ARHGAP26: variants seen among roughly 807,000 people sequenced by gnomAD.
ARHGAP26 encodes the protein Rho GTPase activating protein 26.
A neutral mutation model predicts 104.8 loss-of-function variants in ARHGAP26; 38 were observed. The observed-to-expected ratio is 0.36, with a 90% CI of 0.28 to 0.48. ARHGAP26 has a LOEUF of 0.48. Among genes scored for constraint, ARHGAP26 ranks in the 20% least tolerant of loss-of-function variants. ARHGAP26 has a pLI of 0.99. For synonymous variants in ARHGAP26, 341 were observed against 340.0 expected (o/e 1.00, Z -0.03); for missense variants, 704 against 947.9 (o/e 0.74, Z 3.38).
intron 19 of ARHGAP26, among the ~76,000 whole-genome samples, chr5:143,146,605 C>G (rs1200959945): frequency 4.6e-5 from 7 of 152,324 alleles, no homozygotes; most frequent in African/African-American, 1.4e-4. Context: ...CATTCTGCAG[C>G]CCATTACAGA....
At chr5:143,058,799 T>C (rs1786249935) in intron 17 of ARHGAP26, among the ~76,000 whole-genome samples, 1 of 152,210 alleles carries the variant, frequency 6.6e-6, no homozygotes, top group Admixed American at 6.5e-5. Context: ...TTCCACCATT[T>C]CCTCATTTCC....
At position 142,863,041 on chromosome 5, in the gene ARHGAP26, A is replaced by G. The variant is rs577724424; in HGVS notation, c.155-10359A>G. Among the ~76,000 whole-genome samples the G allele has an allele frequency of 3.3e-5, 5 of 152,272 alleles. No individual in the cohort carries two copies. In the South Asian group the frequency reaches 1.0e-3, roughly 32 times the overall value. On this transcript the variant is annotated intron_variant, in intron 1 of 22. Coordinates refer to ENST00000645722, the MANE Select transcript of ARHGAP26 (RefSeq NM_001135608.3). ...TCACCATTAAAAATAAAAGGCACAGAAAAGATACTTTGGGAGGGATCTTAG... is the reference window on the plus strand; with the variant it reads ...TCACCATTAAAAATAAAAGGCACAGGAAAGATACTTTGGGAGGGATCTTAG...
intron 5 of ARHGAP26, among the ~76,000 whole-genome samples, chr5:142,886,231 C>CT (rs1215637350): frequency 2.0e-5 from 3 of 152,094 alleles, no homozygotes; most frequent in African/African-American, 7.2e-5. Context: ...CAGGCCGGCC[C>CT]TTTTTTTAAA....
At chr5:142,778,062 A>G (rs771174940) in intron 1 of ARHGAP26, among the ~76,000 whole-genome samples, 61 of 152,226 alleles carry the variant, frequency 4.0e-4, no homozygotes, top group Non-Finnish European at 7.8e-4. Flanking sequence ...GGGTGACAGC[A>G]TCACAGATGG....
At chr5:142,936,239 A>G (rs1765406037) in intron 11 of ARHGAP26, among the ~76,000 whole-genome samples, 1 of 152,086 alleles carries the variant, frequency 6.6e-6, no homozygotes, top group African/African-American at 2.4e-5. Context: ...GATTAGCCAT[A>G]ATCATATGGT....
chr5:142,993,471 A>G (rs1775948602), intron 11 of ARHGAP26, among the ~76,000 whole-genome samples: 1 of 151,686 alleles, frequency 6.6e-6, no homozygotes, highest in Admixed American at 6.6e-5. Flanking sequence ...GCCCGGCCCA[A>G]TTTTTGTGTT....
intron 20 of ARHGAP26, among the ~76,000 whole-genome samples, chr5:143,181,769 TTTTG>T (rs1167617290): frequency 2.4e-4 from 37 of 152,308 alleles, no homozygotes; most frequent in African/African-American, 8.4e-4. Context: ...GTTAAGGACT[TTTTG>T]TTTTGTTTTT....
chr5:143,082,738 G>A (rs1435829111), intron 17 of ARHGAP26, among the ~76,000 whole-genome samples: 1 of 152,186 alleles, frequency 6.6e-6, no homozygotes, highest in Non-Finnish European at 1.5e-5. Flanking sequence ...GTTGTATATA[G>A]CTCACTTTAG....
chr5:142,859,693 C>T (rs1561966182), intron 1 of ARHGAP26: 1 of 152,212 alleles, frequency 6.6e-6, no homozygotes, highest in Non-Finnish European at 1.5e-5. Context: ...TTGATGCATG[C>T]ACATTTTCCC....
intron 17 of ARHGAP26, among the ~76,000 whole-genome samples, chr5:143,058,632 A>G (rs1329555718): frequency 6.6e-6 from 1 of 152,272 alleles, no homozygotes; most frequent in African/African-American, 2.4e-5. Context: ...TGTGTTATAA[A>G]TTTGGCCCTT....
chr5:142,842,373 G>A (rs933437141), intron 1 of ARHGAP26, among the ~76,000 whole-genome samples: 2 of 152,168 alleles, frequency 1.3e-5, no homozygotes, highest in African/African-American at 2.4e-5. Flanking sequence ...GTTTGTGGCC[G>A]CTTCTTCCAT....
intron 20 of ARHGAP26, among the ~76,000 whole-genome samples, chr5:143,155,537 T>G (rs1288803741): frequency 6.6e-6 from 1 of 152,192 alleles, no homozygotes; most frequent in Non-Finnish European, 1.5e-5. Flanking sequence ...ATATAAAAAT[T>G]GCTTGAGACA....
intron 10 of ARHGAP26, among the ~76,000 whole-genome samples, chr5:142,916,715 G>C (rs1284289870): frequency 6.6e-6 from 1 of 152,118 alleles, no homozygotes; most frequent in Non-Finnish European, 1.5e-5. Context: ...GGTGATTTCT[G>C]GTCTCTGAGA....
intron 11 of ARHGAP26, among the ~76,000 whole-genome samples, chr5:143,013,094 A>G (rs183908349): frequency 4.7e-4 from 72 of 152,326 alleles, no homozygotes; most frequent in Admixed American, 1.8e-3. Flanking sequence ...TCATATTTAC[A>G]AACAAATATC....
intron 17 of ARHGAP26, among the ~76,000 whole-genome samples, chr5:143,099,302 C>G (rs1792877002): frequency 6.6e-6 from 1 of 152,024 alleles, no homozygotes; most frequent in South Asian, 2.1e-4. Context: ...CATAGCTGCC[C>G]TGGGCAGGTG....
chr5:143,188,535 A>G (rs963104), intron 20 of ARHGAP26, among the ~76,000 whole-genome samples: 1,640 of 152,316 alleles, frequency 0.011, 11 homozygotes, highest in Non-Finnish European at 0.016. Flanking sequence ...ATTTGAGTAT[A>G]TATAGTAGAG....
chr5:142,905,880 A>G (rs960645930), intron 8 of ARHGAP26, among the ~76,000 whole-genome samples: 1 of 152,164 alleles, frequency 6.6e-6, no homozygotes, highest in African/African-American at 2.4e-5. Flanking sequence ...TCCGTATTCC[A>G]GTTTTGCCAG....
intron 20 of ARHGAP26, chr5:143,193,811 C>T (rs1437562428): frequency 3.3e-5 from 5 of 152,130 alleles, no homozygotes; most frequent in Non-Finnish European, 7.4e-5. Flanking sequence ...TGTAGTTGTT[C>T]ATCTCTTATT....
chr5:143,160,125 T>A (rs1463626366), intron 20 of ARHGAP26, among the ~76,000 whole-genome samples: 10 of 149,876 alleles, frequency 6.7e-5, no homozygotes, highest in Non-Finnish European at 3.0e-5. Flanking sequence ...AGTGGTGCAA[T>A]CTCGGCTCAC....
Sources: allele counts gnomAD v4.1 joint callset (sites outside exome capture counted in the v4.1 genomes callset), GRCh38; gene constraint gnomAD v4.1.1; transcripts MANE v1.5; gene names NCBI Gene and HGNC (gene_info 2026-07-23, HGNC 2026-07-21).